Variants in LRRK1 observed in about 807,000 individuals in gnomAD.
LRRK1 encodes leucine-rich repeat serine/threonine-protein kinase 1.
In LRRK1, 113 loss-of-function variants were observed where a neutral mutation model predicts 209.1. That is an observed-to-expected ratio of 0.54 (90% CI 0.46 to 0.63). LRRK1 has a LOEUF of 0.63. Among genes scored for constraint, LRRK1 ranks in the 30% least tolerant of loss-of-function variants. LRRK1 has a pLI of 0.00. For missense variants in LRRK1, 2,284 were observed against 2,632.2 expected (o/e 0.87, Z 2.89); for synonymous variants, 1,144 against 1,099.7 (o/e 1.04, Z -0.80).
intron 6 of LRRK1, among the ~76,000 whole-genome samples, chr15:101,004,291 G>A (rs1043714765): frequency 3.3e-5 from 5 of 152,206 alleles, no homozygotes; most frequent in African/African-American, 1.2e-4. Flanking sequence ...CAACTGGGGG[G>A]CTGTCAGGCT....
chr15:100,950,408 G>A (rs2042622299), intron 2 of LRRK1, among the ~76,000 whole-genome samples: 1 of 152,130 alleles, frequency 6.6e-6, no homozygotes, highest in South Asian at 2.1e-4. Context: ...TGGTAAGATG[G>A]CAATACTCCC....
At chr15:101,002,497 G>A (rs761487876) in intron 6 of LRRK1, among the ~76,000 whole-genome samples, 1 of 152,180 alleles carries the variant, frequency 6.6e-6, no homozygotes, top group Non-Finnish European at 1.5e-5. Flanking sequence ...TTTGTGATAG[G>A]GTGGGTGGAG....
intron 27 of LRRK1, among the ~76,000 whole-genome samples, chr15:101,055,516 C>A (rs1469361087): frequency 6.6e-6 from 1 of 152,166 alleles, no homozygotes; most frequent in Non-Finnish European, 1.5e-5. Flanking sequence ...AAGAGAGAAA[C>A]AGGTCTGGAT....
chr15:100,933,732 G>C (rs1457279660), intron 2 of LRRK1, among the ~76,000 whole-genome samples: 1 of 135,952 alleles, frequency 7.4e-6, no homozygotes, highest in Non-Finnish European at 1.5e-5. Flanking sequence ...TGAGGCATGA[G>C]AATCGCTTGA....
chr15:100,940,825 G>A lies in LRRK1; in HGVS notation c.97+16096G>A, dbSNP rs566718277. Among the ~76,000 whole-genome samples the A allele has an allele frequency of 2.0e-5, 3 of 152,320 alleles. No individual in the cohort carries two copies. The East Asian group carries it at 5.8e-4, about 29-fold the overall frequency. On this transcript the variant is annotated intron_variant, in intron 2 of 33. Transcript: ENST00000388948. The stretch of plus-strand genomic sequence containing the variant: ...AGTTGACAATACCAAGCTGTGTTGT[G>A]AATCAGGAAAGCCCAAAGCTGTCTT...
intron 2 of LRRK1, among the ~76,000 whole-genome samples, chr15:100,969,517 G>A (rs1270432212): frequency 1.3e-5 from 2 of 151,828 alleles, no homozygotes; most frequent in African/African-American, 4.8e-5. Context: ...CAAGTTCAGG[G>A]GTACATGAGC....
chr15:100,925,024 A>T lies in LRRK1; in HGVS notation c.97+295A>T, dbSNP rs76657169. Among the ~76,000 whole-genome samples the T allele has an allele frequency of 7.1e-3, 1,086 of 152,330 alleles. 4 individuals are homozygous for T. Among genetic ancestry groups the T allele is most frequent in the Non-Finnish European group, 0.011 (732 of 68,036 alleles). The stretch of plus-strand genomic sequence containing the variant: ...GTTTTGTTTTTTCATTATAAAAATA[A>T]TACATGTTTATTAAGGAAAAATTGA... On this transcript the variant is annotated intron_variant, in intron 2 of 33. Coordinates refer to ENST00000388948, the MANE Select transcript of LRRK1 (RefSeq NM_024652.6).
chr15:101,027,432 TG>T lies in LRRK1; in HGVS notation c.2526+56del. Reference sequence around the variant, plus strand: ...AACCAGTCTGCCTGCTTCCCATTGTTGGGGGTCCTCACTTCCCCCTCTCTCC... The same window carrying T: ...AACCAGTCTGCCTGCTTCCCATTGTTGGGGTCCTCACTTCCCCCTCTCTCC... On this transcript the variant is annotated intron_variant, in intron 18 of 33. Transcript: ENST00000388948. This position sits in a 1 kb window ranked among gnomAD's most constrained non-coding sequence, Gnocchi z 5.1. The T allele has an allele frequency of 6.3e-7, 1 of 1,592,852 alleles. No individual in the cohort carries two copies. The highest frequency in any genetic ancestry group is 8.5e-7 in the Non-Finnish European group (1 of 1,169,628).
intron 6 of LRRK1, among the ~76,000 whole-genome samples, chr15:100,993,759 G>C (rs905925770): frequency 6.6e-6 from 1 of 152,128 alleles, no homozygotes. Flanking sequence ...TCATATTTGT[G>C]TACAACCTGT....
chr15:100,963,544 C>T (rs549457059), intron 2 of LRRK1, among the ~76,000 whole-genome samples: 1 of 152,244 alleles, frequency 6.6e-6, no homozygotes, highest in Non-Finnish European at 1.5e-5. Flanking sequence ...CCCTGCTCTA[C>T]ACCACTCCCT....
At chr15:100,945,639 G>A (rs545435950) in intron 2 of LRRK1, among the ~76,000 whole-genome samples, 2 of 151,478 alleles carry the variant, frequency 1.3e-5, no homozygotes, top group East Asian at 1.9e-4. Context: ...GATCACAGGC[G>A]CCCACCAACA....
chr15:100,924,548 CA>C lies in LRRK1; in HGVS notation c.-84del. 8.5e-7 allele frequency: 1 copy of C among 1,181,612 alleles called. No homozygotes were observed. The highest frequency in any genetic ancestry group is 1.3e-6 in the Non-Finnish European group (1 of 794,510). The allele number at this position is 1,181,612 out of a possible 1,614,324, so 73.2% of individuals were successfully genotyped here. A position where few individuals can be genotyped will look rare whatever the true frequency, so the allele number is the denominator to read the frequency against. On this transcript the variant is annotated 5_prime_UTR_variant, in exon 2 of 34. It removes the in-frame stop codon of an upstream open reading frame in the 5' UTR. Coordinates refer to ENST00000388948, the MANE Select transcript of LRRK1 (RefSeq NM_024652.6). ...TTCTGCTCAGCCATGGCTACGAGTC[CA>C]CGCCTTAATGCACCCCACAGCCAGC... is the stretch of plus-strand genomic sequence containing the variant.
intron 29 of LRRK1, among the ~76,000 whole-genome samples, chr15:101,060,482 C>T (rs2036101806): frequency 6.6e-6 from 1 of 152,326 alleles, no homozygotes; most frequent in East Asian, 1.9e-4. Flanking sequence ...AATACGTTAT[C>T]AGTCAACAGC....
intron 30 of LRRK1, chr15:101,062,295 G>A (rs2036233844): frequency 2.9e-6 from 1 of 349,148 alleles, no homozygotes; most frequent in Non-Finnish European, 5.3e-6. Flanking sequence ...ATACCACAGA[G>A]AACTTCTGAG....
rs749068051 is a variant in LRRK1, at chr15:101,008,934, C to G, written c.860C>G (p.Ala287Gly). The G allele has an allele frequency of 1.8e-5, 29 of 1,614,154 alleles. No homozygotes were observed. The South Asian group carries it at 3.1e-4, about 17-fold the overall frequency. Residue 287 changes from alanine to glycine, a missense_variant, in exon 7 of 34, where the codon GCC (alanine) becomes GGC (glycine). Ala to Gly is a moderately conservative substitution (Grantham distance 60, BLOSUM62 0). This residue lies in a region of LRRK1 where 494 missense variants were observed against 522.1 expected (regional missense o/e 0.95). Coordinates refer to ENST00000388948, the MANE Select transcript of LRRK1 (RefSeq NM_024652.6). ...SCQITELDLS[A>G]NCLATLPSVI... ...CAGATCACGGAGCTCGACCTTTCTGCCAACTGCCTGGCGACCCTCCCCTCG... is the reference window on the plus strand; with the variant it reads ...CAGATCACGGAGCTCGACCTTTCTGGCAACTGCCTGGCGACCCTCCCCTCG...
Position 101,055,050 on chromosome 15 carries a change from C to T in LRRK1, c.4159C>T (p.Leu1387=). ...LHKKNIIFCD[L]KSDNILVWSL... is the part of the protein sequence containing the mutation. ...CAAGAAAAACATCATCTTCTGTGAC[C>T]TGAAGTCGGACAACATTCTGGTGTG... is the stretch of plus-strand genomic sequence containing the variant. The change falls in exon 27 of 34, where the codon CTG becomes TTG. Residue 1387 remains leucine, a synonymous_variant. Coordinates refer to ENST00000388948, the MANE Select transcript of LRRK1 (RefSeq NM_024652.6). The T allele has an allele frequency of 1.9e-6, 3 of 1,614,186 alleles. No homozygotes were observed. The highest frequency in any genetic ancestry group is 2.5e-6 in the Non-Finnish European group (3 of 1,180,016).
Position 101,051,870 on chromosome 15 carries a change from G to A in LRRK1, c.3599G>A (p.Arg1200Gln), listed in dbSNP as rs751191439. The A allele has an allele frequency of 4.1e-5, 66 of 1,613,988 alleles. No homozygotes were observed. Among genetic ancestry groups the A allele is most frequent in the Non-Finnish European group, 5.1e-5 (60 of 1,180,030 alleles). Residue 1200 changes from arginine to glutamine, a missense_variant, in exon 24 of 34, where the codon CGG becomes CAG. Transcript: ENST00000388948. ...GACTGTGTCCTGACGGCCATCGAGC[G>A]GGACTTCATCTCCTGCCCCAGACAC... is the stretch of plus-strand genomic sequence containing the variant. Reference protein sequence around the residue: ...MEDCVLTAIERDFISCPRHPD... With the variant: ...MEDCVLTAIEQDFISCPRHPD...
At chr15:101,029,279 AAG>A in intron 20 of LRRK1, 47 bp downstream of exon 20, 1 of 1,551,460 alleles carries the variant, frequency 6.4e-7, no homozygotes, top group South Asian at 1.2e-5. Context: ...TGCTCCCCGA[AAG>A]AGGGAGTTGG....
intron 33 of LRRK1, among the ~76,000 whole-genome samples, chr15:101,067,869 T>TA (rs2036622375): frequency 6.6e-6 from 1 of 152,250 alleles, no homozygotes; most frequent in African/African-American, 2.4e-5. Context: ...TCCTAACGTT[T>TA]AGCTGTTGTT....
Sources: gnomAD v4.1 joint callset for allele counts (sites outside exome capture counted in the v4.1 genomes callset) on GRCh38, gnomAD v4.1.1 for gene constraint, gnomAD v4.1.1 regional missense constraint, Gnocchi (gnomAD v3.1) non-coding constraint, MANE v1.5 for transcripts, NCBI Gene and HGNC (gene_info 2026-07-23, HGNC 2026-07-21) for gene names.